ADGRL3: variants seen among roughly 807,000 people sequenced by gnomAD.
The protein encoded by ADGRL3 is adhesion G protein-coupled receptor L3.
A neutral mutation model predicts 153.5 loss-of-function variants in ADGRL3; 62 were observed. The observed-to-expected ratio is 0.40, with a 90% CI of 0.33 to 0.50. The LOEUF is 0.50. ADGRL3 is among the 20% of genes least tolerant of loss of function. The probability of loss-of-function intolerance (pLI) is 0.47; values close to 1 mark genes in which losing one functional copy is unlikely to be tolerated. For missense variants in ADGRL3, 1,641 were observed against 1,859.4 expected, an observed-to-expected ratio of 0.88 and a Z score of 2.16; for synonymous variants, 710 against 672.5, an observed-to-expected ratio of 1.06 and a Z score of -0.86.
intron 1 of ADGRL3, among the ~76,000 whole-genome samples, chr4:61,331,976 C>G (rs1050265307): frequency 6.6e-6 from 1 of 151,888 alleles, no homozygotes; most frequent in Non-Finnish European, 1.5e-5. Context: ...GCTTAAAGGC[C>G]AGCTTTTTAT....
intron 2 of ADGRL3, among the ~76,000 whole-genome samples, chr4:61,462,943 T>G (rs192961347): frequency 3.3e-4 from 51 of 152,300 alleles, no homozygotes; most frequent in African/African-American, 1.2e-3. Context: ...AGTGCTCAGA[T>G]GTTTGCTTTT....
At chr4:61,234,902 G>T (rs370815216) in intron 1 of ADGRL3, among the ~76,000 whole-genome samples, 9 of 152,140 alleles carry the variant, frequency 5.9e-5, no homozygotes, top group East Asian at 5.8e-4. Context: ...GTGAAGTTTG[G>T]TTTTTGTTTA....
chr4:61,546,956 A>G (rs1279362716), intron 4 of ADGRL3, among the ~76,000 whole-genome samples: 2 of 152,226 alleles, frequency 1.3e-5, no homozygotes, highest in African/African-American at 2.4e-5. Flanking sequence ...TATTTATTTC[A>G]GAACTAAACT....
At chr4:61,257,482 C>T (rs559956203) in intron 1 of ADGRL3, among the ~76,000 whole-genome samples, 58 of 152,094 alleles carry the variant, frequency 3.8e-4, no homozygotes, top group Admixed American at 3.1e-3. Flanking sequence ...GTTGTGTGGG[C>T]CAGTGAACCT....
At chr4:61,220,063 G>A (rs1384500235) in intron 1 of ADGRL3, among the ~76,000 whole-genome samples, 3 of 149,190 alleles carry the variant, frequency 2.0e-5, no homozygotes, top group East Asian at 2.0e-4. Context: ...AGCTGAGATT[G>A]CGTGCGCCAT....
At position 61,525,563 on chromosome 4, in the gene ADGRL3, G is replaced by A. The variant is rs373882486; in HGVS notation, c.259+8045G>A. Among the ~76,000 whole-genome samples, 204 of 152,228 alleles carry A rather than the reference G, an allele frequency of 1.3e-3. 1 individual carries two copies. The highest frequency in any genetic ancestry group is 4.5e-3 in the African/African-American group (185 of 41,546). ...GCAGTTTAGAACCTGCTACAATTGT[G>A]TGGGAAAAGTTAGGATAGAGTGGGA... On this transcript the variant is annotated intron_variant, in intron 4 of 26. Coordinates refer to ENST00000683033, the MANE Select transcript of ADGRL3 (RefSeq NM_001387552.1).
chr4:61,977,445 C>T (rs1048652887), intron 17 of ADGRL3, among the ~76,000 whole-genome samples: 1 of 152,082 alleles, frequency 6.6e-6, no homozygotes, highest in Non-Finnish European at 1.5e-5. Flanking sequence ...TTTAAGCTGT[C>T]GCAGACCCAA....
intron 21 of ADGRL3, among the ~76,000 whole-genome samples, chr4:62,013,185 A>G (rs1331674044): frequency 6.6e-6 from 1 of 152,164 alleles, no homozygotes; most frequent in Admixed American, 6.5e-5. Context: ...GGGAAATCAT[A>G]TGCACTGGGG....
intron 4 of ADGRL3, among the ~76,000 whole-genome samples, chr4:61,571,192 A>T (rs1579599811): frequency 6.6e-6 from 1 of 152,014 alleles, no homozygotes; most frequent in South Asian, 2.1e-4. Context: ...AGGGGCTCAA[A>T]GGCTGGGTAC....
At chr4:61,831,313 C>A (rs2097865056) in intron 9 of ADGRL3, among the ~76,000 whole-genome samples, 1 of 148,430 alleles carries the variant, frequency 6.7e-6, no homozygotes, top group Non-Finnish European at 1.5e-5. Context: ...TCATTAACTT[C>A]TCTGCCAGGC....
chr4:61,982,064 GA>G (rs1019146472), intron 18 of ADGRL3, among the ~76,000 whole-genome samples: 1 of 152,028 alleles, frequency 6.6e-6, no homozygotes, highest in African/African-American at 2.4e-5. Context: ...GCAAGAAATG[GA>G]AAATTGTGTT....
At chr4:61,241,570 A>C (rs62312899) in intron 1 of ADGRL3, among the ~76,000 whole-genome samples, 11,067 of 152,036 alleles carry the variant, frequency 0.073, 510 homozygotes, top group Non-Finnish European at 0.098. Context: ...ATTTTTATTA[A>C]ATTTATAGGT....
intron 5 of ADGRL3, among the ~76,000 whole-genome samples, chr4:61,649,427 G>A (rs961583206): frequency 4.6e-5 from 7 of 152,058 alleles, no homozygotes; most frequent in Non-Finnish European, 8.8e-5. Context: ...CCTATTGCTT[G>A]TATACCTTCA....
intron 8 of ADGRL3, among the ~76,000 whole-genome samples, chr4:61,812,248 G>T (rs2097636817): frequency 6.6e-6 from 1 of 152,100 alleles, no homozygotes; most frequent in Non-Finnish European, 1.5e-5. Context: ...GCCAGTGAAT[G>T]TGCAATATTC....
At chr4:61,499,481 T>C (rs2098359474) in intron 3 of ADGRL3, among the ~76,000 whole-genome samples, 1 of 152,224 alleles carries the variant, frequency 6.6e-6, no homozygotes, top group Admixed American at 6.5e-5. Flanking sequence ...TATGTAAAGA[T>C]GACTTAAATT....
chr4:62,008,834 A>C (rs887603374), intron 21 of ADGRL3, among the ~76,000 whole-genome samples: 4 of 152,092 alleles, frequency 2.6e-5, no homozygotes, highest in Non-Finnish European at 4.4e-5. Flanking sequence ...ATGACATTTT[A>C]GTGAATGACA....
At chr4:62,040,950 A>C (rs1217223368) in intron 24 of ADGRL3, among the ~76,000 whole-genome samples, 1 of 152,084 alleles carries the variant, frequency 6.6e-6, no homozygotes, top group East Asian at 1.9e-4. Context: ...GGCTAATGCA[A>C]AGCCTTTACA....
chr4:61,611,824 G>T (rs923747784), intron 5 of ADGRL3, among the ~76,000 whole-genome samples: 1 of 152,066 alleles, frequency 6.6e-6, no homozygotes, highest in African/African-American at 2.4e-5. Flanking sequence ...AGGAGGCTGA[G>T]GTGGGAGGAT....
chr4:61,428,500 G>T (rs1002761755), intron 2 of ADGRL3, among the ~76,000 whole-genome samples: 1 of 152,146 alleles, frequency 6.6e-6, no homozygotes, highest in Non-Finnish European at 1.5e-5. Flanking sequence ...ACCAAAATTA[G>T]ATCTGAAAAA....
Sources: allele counts gnomAD v4.1 joint callset (sites outside exome capture counted in the v4.1 genomes callset), GRCh38; gene constraint gnomAD v4.1.1; transcripts MANE v1.5; gene names NCBI Gene and HGNC (gene_info 2026-07-23, HGNC 2026-07-21).